TPGS2: variants seen among roughly 807,000 people sequenced by gnomAD.
The protein encoded by TPGS2 is polyglutamylase subunit 2.
TPGS2 carries 26 observed loss-of-function variants against 31.1 expected under a neutral mutation model. The ratio of observed to expected loss-of-function variants is 0.84; its 90% CI spans 0.61 to 1.16. The LOEUF (loss-of-function observed/expected upper bound fraction) is 1.16, where lower values mean the gene tolerates loss of function less well. Ranked by LOEUF, TPGS2 falls within the 50% of genes most tolerant of loss-of-function variation. The pLI is 0.00. For synonymous variants in TPGS2, 130 were observed against 136.6 expected (o/e 0.95, Z 0.34); for missense variants, 351 against 363.8 (o/e 0.96, Z 0.29).
chr18:36,823,337 A>G (rs2045974529), intron 1 of TPGS2, among the ~76,000 whole-genome samples: 1 of 151,130 alleles, frequency 6.6e-6, no homozygotes, highest in African/African-American at 2.4e-5. Context: ...AGCTGGGGCC[A>G]CTCTCGGCTT....
Position 36,787,242 on chromosome 18 carries a change from G to C in TPGS2, c.658-4111C>G, listed in dbSNP as rs565566588. Among the ~76,000 whole-genome samples, 19 of 152,306 alleles carry C rather than the reference G, an allele frequency of 1.2e-4. No homozygotes were observed. In the East Asian group the frequency reaches 3.7e-3, roughly 29 times the overall value. The stretch of plus-strand genomic sequence containing the variant: ...CAGCAGTTTTCCTGAACTATGAGAG[G>C]TCACTGCAGTATGTGGACTATTCAG... On this transcript the variant is annotated intron_variant, in intron 6 of 6. Transcript: ENST00000587129.
intron 5 of TPGS2, 77 bp from the exon 6 acceptor site, chr18:36,798,686 C>T: frequency 6.6e-7 from 1 of 1,511,264 alleles, no homozygotes; most frequent in Non-Finnish European, 8.8e-7. Flanking sequence ...AAAGGTTATA[C>T]TCATGGCCTT....
At chr18:36,825,533 C>T (rs779442408) in intron 1 of TPGS2, among the ~76,000 whole-genome samples, 3 of 151,738 alleles carry the variant, frequency 2.0e-5, no homozygotes, top group Non-Finnish European at 4.4e-5. Context: ...TTTTATGCCA[C>T]TACCACTCTG....
intron 2 of TPGS2, among the ~76,000 whole-genome samples, chr18:36,814,256 A>G (rs1489849199): frequency 1.3e-5 from 2 of 152,224 alleles, no homozygotes; most frequent in African/African-American, 4.8e-5. Flanking sequence ...TTGAAAGATG[A>G]AAAGCTCAGT....
At chr18:36,803,583 G>A (rs146508764) in intron 4 of TPGS2, among the ~76,000 whole-genome samples, 2 of 151,764 alleles carry the variant, frequency 1.3e-5, no homozygotes, top group African/African-American at 4.8e-5. Context: ...TCTTTTTTGA[G>A]CACCCATAAT....
At chr18:36,805,793 G>C (rs534939516) in intron 3 of TPGS2, among the ~76,000 whole-genome samples, 1 of 152,254 alleles carries the variant, frequency 6.6e-6, no homozygotes, top group Non-Finnish European at 1.5e-5. Flanking sequence ...TGGGAAATCT[G>C]GGCTTTGGGA....
chr18:36,801,258 A>G (rs2044797614), intron 4 of TPGS2, among the ~76,000 whole-genome samples: 1 of 152,236 alleles, frequency 6.6e-6, no homozygotes, highest in African/African-American at 2.4e-5. Context: ...ACTTTTTAAG[A>G]TCCAGGGAGA....
chr18:36,828,999 T>A lies in TPGS2; in HGVS notation c.-232A>T, dbSNP rs2046341440. On this transcript the variant is annotated 5_prime_UTR_variant, in exon 1 of 7. Coordinates refer to ENST00000334295, the MANE Select transcript of TPGS2 (RefSeq NM_015476.4). ...GCACCTCCGGGACGTAGCTTCCCCT[T>A]CGCCCCCACCCTCTCGCCCCGCAGG... The A allele has an allele frequency of 3.5e-6, 4 of 1,145,092 alleles. No homozygotes were observed. Among genetic ancestry groups the A allele is most frequent in the Non-Finnish European group, 4.7e-6 (4 of 855,784 alleles). The allele number at this position is 1,145,092 out of a possible 1,614,324, so 70.9% of individuals were successfully genotyped here. A position where few individuals can be genotyped will look rare whatever the true frequency, so the allele number is the denominator to read the frequency against.
chr18:36,784,068 CCT>C (rs1258118595), intron 6 of TPGS2, among the ~76,000 whole-genome samples: 1 of 152,054 alleles, frequency 6.6e-6, no homozygotes, highest in African/African-American at 2.4e-5. Flanking sequence ...TAGGTGCTGC[CCT>C]GGAGCCTCCA....
chr18:36,783,977 G>A (rs1342203343), intron 6 of TPGS2, among the ~76,000 whole-genome samples: 3 of 152,032 alleles, frequency 2.0e-5, no homozygotes, highest in Non-Finnish European at 4.4e-5. Context: ...TAAAGGCAAC[G>A]TGAAGACAGA....
rs2045235047 is a variant in TPGS2, at chr18:36,807,861, C to T, written c.239G>A (p.Ser80Asn). 1 of 1,614,132 alleles carries T rather than the reference C, an allele frequency of 6.2e-7. No homozygotes were observed. Among genetic ancestry groups the T allele is most frequent in the South Asian group, 1.1e-5 (1 of 91,080 alleles). The stretch of plus-strand genomic sequence containing the variant: ...GGCTGACTCACCATCCAGCTTCACA[C>T]TCCATGTCATGTGGAAGCCATTGGT... ...LMTNGFHMTWSVKLDEHIIPL... is the reference protein window; with the variant it reads ...LMTNGFHMTWNVKLDEHIIPL... Residue 80 changes from serine to asparagine, a missense_variant, in exon 3 of 7, where the codon AGT (serine) becomes AAT (asparagine). By Grantham distance (46) the Ser-to-Asn change is conservative. Transcript: ENST00000334295.
rs2150611453 is a variant in TPGS2 at position 36,808,051 on chromosome 18, C to T, written c.166-117G>A. The T allele has an allele frequency of 3.2e-6, 3 of 945,394 alleles. No individual in the cohort carries two copies. In the East Asian group the frequency reaches 7.5e-5, roughly 24 times the overall value. The allele number at this position is 945,394 out of a possible 1,614,324, so 58.6% of individuals were successfully genotyped here. A position where few individuals can be genotyped will look rare whatever the true frequency, so the allele number is the denominator to read the frequency against. On this transcript the variant is annotated intron_variant, in intron 2 of 6. Transcript: ENST00000334295. The stretch of plus-strand genomic sequence containing the variant: ...TATACGTCCCTGAAATAGGAAGGCT[C>T]TGATAGTCACCTACAAAACTCTATT...
downstream of TPGS2, chr18:36,780,067 C>T: frequency 9.2e-7 from 1 of 1,090,432 alleles, no homozygotes; most frequent in Non-Finnish European, 1.2e-6. Flanking sequence ...TAATGAGAAA[C>T]TTTTATTCTT....
Position 36,796,743 on chromosome 18 carries a change from A to G in TPGS2, c.*62T>C. ...ACACGCAAAACTGGAGGTCACCCCT[A>G]GGGCCATCTGTGCATGGAAACCACC... On this transcript the variant is annotated 3_prime_UTR_variant, in exon 7 of 7. Transcript: ENST00000334295. The G allele has an allele frequency of 6.4e-7, 1 of 1,562,432 alleles. No individual in the cohort carries two copies. The highest frequency in any genetic ancestry group is 8.6e-7 in the Non-Finnish European group (1 of 1,164,086).
intron 4 of TPGS2, among the ~76,000 whole-genome samples, chr18:36,803,756 C>G (rs1451469742): frequency 6.6e-6 from 1 of 152,162 alleles, no homozygotes; most frequent in Non-Finnish European, 1.5e-5. Flanking sequence ...TACTCCTCTT[C>G]AATTCATGTA....
intron 2 of TPGS2, among the ~76,000 whole-genome samples, chr18:36,811,398 T>A (rs1405066580): frequency 2.6e-5 from 4 of 152,130 alleles, no homozygotes; most frequent in Non-Finnish European, 5.9e-5. Flanking sequence ...GTAGCATACT[T>A]TTTCCAAAAT....
In TPGS2 at chr18:36,794,488, G is replaced by A. The variant is rs2044429763; in HGVS notation, c.*2317C>T. The A allele has an allele frequency of 8.1e-6, 8 of 985,442 alleles. No homozygotes were observed. Among genetic ancestry groups the A allele is most frequent in the South Asian group, 4.7e-5 (1 of 21,274 alleles). The allele number at this position is 985,442 out of a possible 1,614,324, so 61.0% of individuals were successfully genotyped here. On this transcript the variant is annotated 3_prime_UTR_variant, in exon 7 of 7. Coordinates refer to ENST00000334295, the MANE Select transcript of TPGS2 (RefSeq NM_015476.4). ...AATCCAGGGCTGATTTAGAAATGCT[G>A]TGATTCGGGGGATCTCCAAGTACTA...
At chr18:36,793,070 G>C (rs1430832145), downstream of TPGS2, among the ~76,000 whole-genome samples, 2 of 152,114 alleles carry the variant, frequency 1.3e-5, no homozygotes, top group African/African-American at 4.8e-5. Flanking sequence ...TCCTTTACCA[G>C]GGCCAGCTTC....
chr18:36,819,047 A>C, intron 1 of TPGS2, 74 bp from the exon 2 acceptor site: 1 of 1,142,246 alleles, frequency 8.8e-7, no homozygotes, highest in Non-Finnish European at 1.3e-6. Flanking sequence ...TTGTTGACTA[A>C]CTGTTGATGA....
Sources: gnomAD v4.1 joint callset for allele counts (sites outside exome capture counted in the v4.1 genomes callset) on GRCh38, gnomAD v4.1.1 for gene constraint, MANE v1.5 for transcripts, NCBI Gene and HGNC (gene_info 2026-07-23, HGNC 2026-07-21) for gene names.